RAX: variants seen among roughly 807,000 people sequenced by gnomAD.
RAX encodes retina and anterior neural fold homeobox.
In RAX, 11 loss-of-function variants were observed where a neutral mutation model predicts 17.4. The observed-to-expected ratio is 0.63, with a 90% CI of 0.40 to 1.05. The LOEUF is 1.05. Ranked by LOEUF, RAX falls within the 50% of genes least tolerant of loss-of-function variation. The pLI, the probability that RAX is intolerant of heterozygous loss-of-function variation, is 0.00. For missense variants in RAX, 527 were observed against 501.1 expected, an observed-to-expected ratio of 1.05 and a Z score of -0.49; for synonymous variants, 276 against 254.7, an observed-to-expected ratio of 1.08 and a Z score of -0.80.
rs2144156461 is a variant in RAX, at chr18:59,273,210, G to A, written c.-4C>T. ...GCGCGCAGCCCGGCAGGTGCATGGGGAGCGCCGGGAGGCGGGAGGGCGCTT... is the reference window on the plus strand; with the variant it reads ...GCGCGCAGCCCGGCAGGTGCATGGGAAGCGCCGGGAGGCGGGAGGGCGCTT... On this transcript the variant is annotated 5_prime_UTR_variant, in exon 1 of 3. Coordinates refer to ENST00000334889, the MANE Select transcript of RAX (RefSeq NM_013435.3). 1 of 1,526,600 alleles carries A rather than the reference G, an allele frequency of 6.6e-7. No individual in the cohort carries two copies. The highest frequency in any genetic ancestry group is 2.5e-5 in the East Asian group (1 of 40,386). The allele number at this position is 1,526,600 out of a possible 1,614,324, so 94.6% of individuals were successfully genotyped here.
chr18:59,267,547 C>T lies in RAX; in HGVS notation c.*1457G>A, dbSNP rs2070289269. Reference sequence around the variant, plus strand: ...GCTTCACTAATTTGCTCAGGACCGACAGACAGTAGCCAGTTGATGCTAATT... The same window carrying T: ...GCTTCACTAATTTGCTCAGGACCGATAGACAGTAGCCAGTTGATGCTAATT... On this transcript the variant is annotated 3_prime_UTR_variant, in exon 3 of 3. Coordinates refer to ENST00000334889, the MANE Select transcript of RAX (RefSeq NM_013435.3). 1 of 150,688 alleles carries T rather than the reference C, an allele frequency of 6.6e-6. No homozygotes were observed. The highest frequency in any genetic ancestry group is 2.4e-5 in the African/African-American group (1 of 40,936). The allele number at this position is 150,688 out of a possible 1,614,324, so 9.3% of individuals were successfully genotyped here.
chr18:59,269,097 G>A lies in RAX; in HGVS notation c.948C>T (p.Asp316=), dbSNP rs1299384250. The change falls in exon 3 of 3, where the codon GAC becomes GAT. Residue 316 remains aspartate, a synonymous_variant. Transcript: ENST00000334889. ...TGCTGCTGTTGCGCGGGTCCGCCTC[G>A]TCCAGCGGGAACTTGTCCCCGAAGC... The part of the protein sequence containing the change: ...GPGFGDKFPL[D]EADPRNSSIA... 6.2e-7 allele frequency: 1 copy of A among 1,611,782 alleles called. No homozygotes were observed. Among genetic ancestry groups the A allele is most frequent in the Non-Finnish European group, 8.5e-7 (1 of 1,179,290 alleles).
intron 2 of RAX, among the ~76,000 whole-genome samples, chr18:59,270,943 C>G (rs2070333426): frequency 6.6e-6 from 1 of 152,202 alleles, no homozygotes; most frequent in Non-Finnish European, 1.5e-5. Flanking sequence ...TTCCCTACCA[C>G]ATCAGCTGTA....
In RAX at chr18:59,272,358, T is replaced by C; in HGVS notation, c.543+3A>G. The C allele has an allele frequency of 6.2e-7, 1 of 1,614,220 alleles. No homozygotes were observed. Among genetic ancestry groups the C allele is most frequent in the South Asian group, 1.1e-5 (1 of 91,082 alleles). On this transcript the variant is annotated splice_donor_region_variant and intron_variant, in intron 2 of 2. Coordinates refer to ENST00000334889, the MANE Select transcript of RAX (RefSeq NM_013435.3). ...TCCCAGTTCCTCAACCTGGGCGCTT[T>C]ACCTGGACCCGGACCTCTGGTAGGT...
At position 59,269,599 on chromosome 18, in the gene RAX, C is replaced by G. The variant is rs1053974761; in HGVS notation, c.544-98G>C. 1.1e-5 allele frequency: 15 copies of G among 1,386,466 alleles called. No homozygotes were observed. In the African/African-American group the frequency reaches 1.9e-4, roughly 17 times the overall value. 85.9% of individuals were successfully genotyped at this position (1,386,466 alleles called of 1,614,324 possible). A position where few individuals can be genotyped will look rare whatever the true frequency, so the allele number is the denominator to read the frequency against. Reference sequence around the variant, plus strand: ...CAGCTCGGCGGGCTCCACTCCGTCCCCCTCAAATAAAACTAGGGGCGCAAC... The same window carrying G: ...CAGCTCGGCGGGCTCCACTCCGTCCGCCTCAAATAAAACTAGGGGCGCAAC... On this transcript the variant is annotated intron_variant, in intron 2 of 2. Coordinates refer to ENST00000334889, the MANE Select transcript of RAX (RefSeq NM_013435.3).
In RAX at chr18:59,268,017, CTT is replaced by C. The variant is rs772383967; in HGVS notation, c.*985_*986del. 1 of 152,222 alleles carries C rather than the reference CTT, an allele frequency of 6.6e-6. No individual in the cohort carries two copies. Among genetic ancestry groups the C allele is most frequent in the Non-Finnish European group, 1.5e-5 (1 of 68,102 alleles). 9.4% of individuals were successfully genotyped at this position (152,222 alleles called of 1,614,324 possible). A position where few individuals can be genotyped will look rare whatever the true frequency, so the allele number is the denominator to read the frequency against. The stretch of plus-strand genomic sequence containing the variant: ...GCGGCTCCGAAAAGGAAAAGCATCT[CTT>C]TGCCTCAGTTCTTGTACCGCTGGTG... On this transcript the variant is annotated 3_prime_UTR_variant, in exon 3 of 3. Coordinates refer to ENST00000334889, the MANE Select transcript of RAX (RefSeq NM_013435.3). This position sits in a 1 kb window ranked among gnomAD's most constrained non-coding sequence, Gnocchi z 4.4.
Position 59,273,068 on chromosome 18 carries a change from T to A in RAX, c.139A>T (p.Ile47Phe), listed in dbSNP as rs974769749. The A allele has an allele frequency of 6.6e-5, 101 of 1,534,944 alleles. 1 individual carries two copies. The African/African-American group carries it at 9.4e-4, about 14-fold the overall frequency. The change falls in exon 1 of 3, where the codon ATC (isoleucine) becomes TTC (phenylalanine). Residue 47 changes from isoleucine to phenylalanine, a missense_variant. Physicochemically the swap from Ile to Phe is conservative, Grantham distance 21. Transcript: ENST00000334889. ...AILGFTKDDG[I>F]LGTFPAERGA... Reference sequence around the variant, plus strand: ...CGCTCCGCCGGGAAGGTGCCGAGGATCCCGTCGTCCTTGGTAAACCCCAGG... The same window carrying A: ...CGCTCCGCCGGGAAGGTGCCGAGGAACCCGTCGTCCTTGGTAAACCCCAGG...
At chr18:59,272,883 C>A (rs760730541) in intron 1 of RAX, 35 bp downstream of exon 1, 1 of 1,489,438 alleles carries the variant, frequency 6.7e-7, no homozygotes, top group Non-Finnish European at 8.8e-7. Flanking sequence ...CTCGGGCGCC[C>A]GAACGGCCTC....
In RAX at chr18:59,272,381, G is replaced by T. The variant is rs775310728; in HGVS notation, c.523C>A (p.Leu175Ile). ...SREELAGKVN[L>I]PEVRVQVWFQ... ...TTTACCTGGACCCGGACCTCTGGTA[G>T]GTTGACCTTGCCGGCCAGCTCCTCG... Residue 175 changes from leucine to isoleucine, a missense_variant, in exon 2 of 3, where the codon CTA becomes ATA. Transcript: ENST00000334889. 6.2e-7 allele frequency: 1 copy of T among 1,614,272 alleles called. No homozygotes were observed. Among genetic ancestry groups the T allele is most frequent in the Non-Finnish European group, 8.5e-7 (1 of 1,180,058 alleles).
rs2070300837 is a variant in RAX at position 59,268,377 on chromosome 18, G to A, written c.*627C>T. On this transcript the variant is annotated 3_prime_UTR_variant, in exon 3 of 3. Coordinates refer to ENST00000334889, the MANE Select transcript of RAX (RefSeq NM_013435.3). This position sits in a 1 kb window ranked among gnomAD's most constrained non-coding sequence, Gnocchi z 4.4. ...GGGGACGATTCTCTGCTGCAGCGAA[G>A]TGTCCCTAGAATTTTCACAAGGAAA... 6.6e-6 allele frequency: 1 copy of A among 152,602 alleles called. No homozygotes were observed. The highest frequency in any genetic ancestry group is 2.4e-5 in the African/African-American group (1 of 41,418). 9.5% of individuals were successfully genotyped at this position (152,602 alleles called of 1,614,324 possible).
Position 59,268,648 on chromosome 18 carries a change from C to T in RAX, c.*356G>A. 1 of 402,596 alleles carries T rather than the reference C, an allele frequency of 2.5e-6. No individual in the cohort carries two copies. The highest frequency in any genetic ancestry group is 4.0e-5 in the South Asian group (1 of 25,044). The allele number at this position is 402,596 out of a possible 1,614,324, so 24.9% of individuals were successfully genotyped here. A position where few individuals can be genotyped will look rare whatever the true frequency, so the allele number is the denominator to read the frequency against. On this transcript the variant is annotated 3_prime_UTR_variant, in exon 3 of 3. Coordinates refer to ENST00000334889, the MANE Select transcript of RAX (RefSeq NM_013435.3). The surrounding 1 kb of genome is among the most constrained non-coding windows in gnomAD (Gnocchi z 4.4). Reference sequence around the variant, plus strand: ...TTATGGTTATCTGGGGGTCTCCAAGCCTCCTGGGAATGGCCAAGTTTAGGA... The same window carrying T: ...TTATGGTTATCTGGGGGTCTCCAAGTCTCCTGGGAATGGCCAAGTTTAGGA...
chr18:59,272,343 T>C lies in RAX; in HGVS notation c.543+18A>G. The C allele has an allele frequency of 6.2e-7, 1 of 1,614,202 alleles. No individual in the cohort carries two copies. Among genetic ancestry groups the C allele is most frequent in the Non-Finnish European group, 8.5e-7 (1 of 1,180,046 alleles). The stretch of plus-strand genomic sequence containing the variant: ...TCGGGCCCTCCCAGATCCCAGTTCC[T>C]CAACCTGGGCGCTTTACCTGGACCC... On this transcript the variant is annotated intron_variant, in intron 2 of 2. Coordinates refer to ENST00000334889, the MANE Select transcript of RAX (RefSeq NM_013435.3).
Position 59,270,133 on chromosome 18 carries a change from C to T in RAX, c.544-632G>A, listed in dbSNP as rs150306054. On this transcript the variant is annotated intron_variant, in intron 2 of 2. Coordinates refer to ENST00000334889, the MANE Select transcript of RAX (RefSeq NM_013435.3). ...AAGTAGAGTAATTGGCAAGAATGGG[C>T]GTTAAAATTCAGCTCTTTTCACGGA... Among the ~76,000 whole-genome samples the T allele has an allele frequency of 3.3e-5, 5 of 152,202 alleles. No individual in the cohort carries two copies. The East Asian group carries it at 9.6e-4, about 29-fold the overall frequency.
At chr18:59,270,916 C>T (rs2070333093) in intron 2 of RAX, among the ~76,000 whole-genome samples, 3 of 152,192 alleles carry the variant, frequency 2.0e-5, no homozygotes, top group Admixed American at 2.0e-4. Flanking sequence ...CTCGGCTTCC[C>T]TGTCTGTCCC....
chr18:59,268,831 C>CCTT lies in RAX; in HGVS notation c.*170_*172dup. ...GCCTCTCCTCAGGCCTGAAAGTCGCCCTTCTCCCCGTGCATCGGGAGCAGG... is the reference window on the plus strand; with the variant it reads ...GCCTCTCCTCAGGCCTGAAAGTCGCCCTTCTTCTCCCCGTGCATCGGGAGCAGG... On this transcript the variant is annotated 3_prime_UTR_variant, in exon 3 of 3. Transcript: ENST00000334889. This position sits in a 1 kb window ranked among gnomAD's most constrained non-coding sequence, Gnocchi z 4.4. 8.9e-7 allele frequency: 1 copy of CCTT among 1,129,758 alleles called. No individual in the cohort carries two copies. The highest frequency in any genetic ancestry group is 1.2e-6 in the Non-Finnish European group (1 of 801,380). The allele number at this position is 1,129,758 out of a possible 1,614,324, so 70.0% of individuals were successfully genotyped here.
chr18:59,273,443 G>C lies in RAX; in HGVS notation c.-237C>G, dbSNP rs369829507. The C allele has an allele frequency of 9.1e-6, 5 of 546,958 alleles. No homozygotes were observed. Among genetic ancestry groups the C allele is most frequent in the Middle Eastern group, 4.8e-4 (1 of 2,092 alleles). The allele number at this position is 546,958 out of a possible 1,614,324, so 33.9% of individuals were successfully genotyped here. On this transcript the variant is annotated 5_prime_UTR_variant, in exon 1 of 3. Transcript: ENST00000334889. ...AGCTGGGGCTCTCGGCGCTAAAGGC[G>C]GGGAGCCAACTGGCCCTCGGCTCCT...
chr18:59,272,367 C>T lies in RAX; in HGVS notation c.537G>A (p.Arg179=), dbSNP rs776617912. Residue 179 remains arginine (R), a synonymous_variant, in exon 2 of 3, where the codon CGG becomes CGA. Transcript: ENST00000334889. ...CTCAACCTGGGCGCTTTACCTGGAC[C>T]CGGACCTCTGGTAGGTTGACCTTGC... ...LAGKVNLPEV[R]VQVWFQNRRA... The T allele has an allele frequency of 1.9e-6, 3 of 1,614,242 alleles. No individual in the cohort carries two copies. The highest frequency in any genetic ancestry group is 1.1e-5 in the South Asian group (1 of 91,084).
chr18:59,270,411 C>T (rs540838113), intron 2 of RAX, among the ~76,000 whole-genome samples: 2 of 152,260 alleles, frequency 1.3e-5, no homozygotes, highest in East Asian at 1.9e-4. Context: ...TTTATCTGTA[C>T]GAAGTCCTTG....
rs1183453373 is a variant in RAX at position 59,267,673 on chromosome 18, G to T, written c.*1331C>A. ...GCCAGGACCTGTTGGCGGGCATCCA[G>T]GTTCTGCTGGCGGTCGCCCAGCTTC... On this transcript the variant is annotated 3_prime_UTR_variant, in exon 3 of 3. Coordinates refer to ENST00000334889, the MANE Select transcript of RAX (RefSeq NM_013435.3). 4 of 143,602 alleles carry T rather than the reference G, an allele frequency of 2.8e-5. No homozygotes were observed. Among genetic ancestry groups the T allele is most frequent in the Non-Finnish European group, 6.0e-5 (4 of 66,856 alleles). 8.9% of individuals were successfully genotyped at this position (143,602 alleles called of 1,614,324 possible).
Sources: gnomAD v4.1 joint callset for allele counts (sites outside exome capture counted in the v4.1 genomes callset) on GRCh38, gnomAD v4.1.1 for gene constraint, Gnocchi (gnomAD v3.1) non-coding constraint, MANE v1.5 for transcripts, NCBI Gene and HGNC (gene_info 2026-07-23, HGNC 2026-07-21) for gene names.